The following PAX5 variants were observed in gnomAD, a reference collection of about 807,000 sequenced individuals.
PAX5 encodes the protein paired box protein Pax-5.
In PAX5, 9 loss-of-function variants were observed where a neutral mutation model predicts 43.7. That is an observed-to-expected ratio of 0.21 (90% CI 0.12 to 0.36). PAX5 has a LOEUF of 0.36. PAX5 is among the 10% of genes least tolerant of loss of function. The pLI, the probability that PAX5 is intolerant of heterozygous loss-of-function variation, is 1.00. For synonymous variants in PAX5, 228 were observed against 214.3 expected (o/e 1.06, Z -0.56); for missense variants, 383 against 532.7 (o/e 0.72, Z 2.77).
At chr9:37,030,300 C>T (rs532200973) in intron 1 of PAX5, among the ~76,000 whole-genome samples, 11 of 152,326 alleles carry the variant, frequency 7.2e-5, no homozygotes, top group African/African-American at 2.6e-4. Context: ...AAAGGCGCGA[C>T]CGGACCTCAT....
At chr9:36,886,620 G>A (rs1179067137) in intron 7 of PAX5, among the ~76,000 whole-genome samples, 1 of 152,164 alleles carries the variant, frequency 6.6e-6, no homozygotes, top group African/African-American at 2.4e-5. Flanking sequence ...GGACTGGGAT[G>A]GGAAACCAGA....
intron 5 of PAX5, among the ~76,000 whole-genome samples, chr9:36,973,749 T>C (rs12346179): frequency 0.16 from 24,765 of 152,150 alleles, 2,535 homozygotes; most frequent in African/African-American, 0.28. Context: ...CTCATGCCTG[T>C]AATCCCAGCA....
At chr9:36,985,998 C>A (rs1208199003) in intron 5 of PAX5, among the ~76,000 whole-genome samples, 1 of 152,168 alleles carries the variant, frequency 6.6e-6, no homozygotes, top group Non-Finnish European at 1.5e-5. Context: ...CCCGGTTCCA[C>A]GCTGCGCGTC....
At chr9:36,925,611 A>G (rs1830584988) in intron 6 of PAX5, among the ~76,000 whole-genome samples, 1 of 152,196 alleles carries the variant, frequency 6.6e-6, no homozygotes, top group African/African-American at 2.4e-5. Context: ...GAAACAGGGG[A>G]AAAAAGAAAT....
At chr9:36,989,040 A>G (rs945519444) in intron 5 of PAX5, among the ~76,000 whole-genome samples, 1 of 152,160 alleles carries the variant, frequency 6.6e-6, no homozygotes, top group Admixed American at 6.5e-5. Flanking sequence ...TAAAACCCAC[A>G]TGTGACCAGC....
chr9:36,854,649 A>G (rs1326151675), intron 8 of PAX5, among the ~76,000 whole-genome samples: 1 of 152,062 alleles, frequency 6.6e-6, no homozygotes, highest in Non-Finnish European at 1.5e-5. Context: ...AAGGCTTCTC[A>G]CCGTTCCTCT....
At chr9:36,912,081 C>T (rs1167983967) in intron 7 of PAX5, among the ~76,000 whole-genome samples, 2 of 152,240 alleles carry the variant, frequency 1.3e-5, no homozygotes, top group Admixed American at 6.5e-5. Context: ...GACATCCTGA[C>T]GGGGTCTCCA....
chr9:36,855,799 C>T (rs573643526), intron 8 of PAX5, among the ~76,000 whole-genome samples: 1 of 152,342 alleles, frequency 6.6e-6, no homozygotes, highest in African/African-American at 2.4e-5. Flanking sequence ...CTCCACGGGG[C>T]CGTTTCCATC....
At chr9:36,865,309 A>T (rs1824762450) in intron 8 of PAX5, among the ~76,000 whole-genome samples, 1 of 152,134 alleles carries the variant, frequency 6.6e-6, no homozygotes, top group East Asian at 1.9e-4. Context: ...CTTGTCCCCC[A>T]GTAGTCTCTG....
At chr9:37,016,981 C>A (rs1010888470) in intron 2 of PAX5, among the ~76,000 whole-genome samples, 2 of 152,206 alleles carry the variant, frequency 1.3e-5, no homozygotes, top group Non-Finnish European at 2.9e-5. Flanking sequence ...AAAACTCAAC[C>A]TATCTTCCCT....
intron 1 of PAX5, among the ~76,000 whole-genome samples, chr9:37,027,678 C>T (rs930278738): frequency 1.3e-5 from 2 of 152,216 alleles, no homozygotes; most frequent in East Asian, 1.9e-4. Context: ...GCCCCGGAGC[C>T]GCTTTCAGGA....
intron 7 of PAX5, among the ~76,000 whole-genome samples, chr9:36,896,338 C>T (rs891910176): frequency 4.6e-5 from 7 of 151,732 alleles, no homozygotes; most frequent in East Asian, 2.0e-4. Flanking sequence ...AAACAGACAA[C>T]GCTGATATTT....
chr9:36,896,580 G>C (rs984366166), intron 7 of PAX5, among the ~76,000 whole-genome samples: 3 of 152,110 alleles, frequency 2.0e-5, no homozygotes, highest in Non-Finnish European at 4.4e-5. Flanking sequence ...TCCCTCTCCA[G>C]CCCTCCCTTC....
intron 8 of PAX5, among the ~76,000 whole-genome samples, chr9:36,850,548 G>A (rs1396497026): frequency 1.3e-5 from 2 of 152,200 alleles, no homozygotes; most frequent in Non-Finnish European, 2.9e-5. Context: ...ACCGTGCCCA[G>A]CACAAGGGAC....
Position 36,882,123 on chromosome 9 carries a change from CA to C in PAX5, c.911-19del. The C allele has an allele frequency of 6.4e-7, 1 of 1,566,988 alleles. No homozygotes were observed. The highest frequency in any genetic ancestry group is 8.7e-7 in the Non-Finnish European group (1 of 1,149,944). On this transcript the variant is annotated intron_variant, in intron 7 of 9. Coordinates refer to ENST00000358127, the MANE Select transcript of PAX5 (RefSeq NM_016734.3). This position sits in a 1 kb window ranked among gnomAD's most constrained non-coding sequence, Gnocchi z 4.4. ...GTCACGGCCTGAGGAATCAAAGCAA[CA>C]AATCACAGGGTGAGCATCTTCGCGG...
chr9:36,986,513 C>G (rs2132304065), intron 5 of PAX5, among the ~76,000 whole-genome samples: 1 of 152,242 alleles, frequency 6.6e-6, no homozygotes, highest in East Asian at 1.9e-4. Context: ...CCCGGGGGCG[C>G]CGCGCTCAGC....
intron 5 of PAX5, among the ~76,000 whole-genome samples, chr9:36,981,306 C>T (rs1323352502): frequency 6.6e-6 from 1 of 151,686 alleles, no homozygotes; most frequent in African/African-American, 2.4e-5. Context: ...TTCCTTAGAA[C>T]GTCACTCATG....
chr9:36,914,894 T>C (rs2037800414), intron 7 of PAX5, among the ~76,000 whole-genome samples: 1 of 152,262 alleles, frequency 6.6e-6, no homozygotes, highest in Non-Finnish European at 1.5e-5. Context: ...AATGAAAAAC[T>C]TTCATTGTTC....
intron 6 of PAX5, among the ~76,000 whole-genome samples, chr9:36,962,373 C>T (rs1834042737): frequency 6.6e-6 from 1 of 152,194 alleles, no homozygotes; most frequent in African/African-American, 2.4e-5. Flanking sequence ...GATTCCAGCT[C>T]TGCGGTTCAA....
Sources: allele counts gnomAD v4.1 joint callset (sites outside exome capture counted in the v4.1 genomes callset), GRCh38; gene constraint gnomAD v4.1.1; non-coding constraint Gnocchi (gnomAD v3.1); transcripts MANE v1.5; gene names NCBI Gene and HGNC (gene_info 2026-07-23, HGNC 2026-07-21).